CSMD1: variants seen among roughly 807,000 people sequenced by gnomAD.
CSMD1 encodes the protein CUB and Sushi multiple domains 1.
A neutral mutation model predicts 417.5 loss-of-function variants in CSMD1; 213 were observed. The observed-to-expected ratio is 0.51, with a 90% confidence interval of 0.46 to 0.57. The LOEUF is 0.57. CSMD1 is among the 20% of genes least tolerant of loss of function. The pLI, the probability that CSMD1 is intolerant of heterozygous loss-of-function variation, is 0.00. For synonymous variants in CSMD1, 2,862 were observed against 1,736.8 expected (o/e 1.65, Z -16.11); for missense variants, 6,923 against 4,529.7 (o/e 1.53, Z -15.17).
chr8:4,563,859 G>T (rs1019679623), intron 2 of CSMD1, among the ~76,000 whole-genome samples: 1 of 152,134 alleles, frequency 6.6e-6, no homozygotes, highest in African/African-American at 2.4e-5. Context: ...CTGCTGAGAA[G>T]ACTTGGAGTT....
At chr8:3,951,838 A>G (rs552606265) in intron 5 of CSMD1, among the ~76,000 whole-genome samples, 1 of 152,104 alleles carries the variant, frequency 6.6e-6, no homozygotes, top group Non-Finnish European at 1.5e-5. Flanking sequence ...AGTTAACCCA[A>G]AAAGAAAAAT....
chr8:3,911,727 T>C (rs953342798), intron 5 of CSMD1, among the ~76,000 whole-genome samples: 1 of 152,078 alleles, frequency 6.6e-6, no homozygotes, highest in Non-Finnish European at 1.5e-5. Flanking sequence ...CAGAACTTCC[T>C]CCTTTATTCT....
In CSMD1 at chr8:3,912,435, G is replaced by A. The variant is rs80306427; in HGVS notation, c.818+85468C>T. Among the ~76,000 whole-genome samples the A allele has an allele frequency of 3.0e-3, 450 of 152,316 alleles. 2 individuals are homozygous for A. Among genetic ancestry groups the A allele is most frequent in the African/African-American group, 0.01 (426 of 41,568 alleles). ...TAGGGTGGGACGATTTCTACTTAGA[G>A]TAGACCAGGGAAGACATTCCTAAAC... On this transcript the variant is annotated intron_variant, in intron 5 of 69. Transcript: ENST00000635120.
chr8:4,638,527 G>A (rs565275085), intron 1 of CSMD1, among the ~76,000 whole-genome samples: 2 of 152,324 alleles, frequency 1.3e-5, no homozygotes, highest in African/African-American at 2.4e-5. Context: ...CCTCACTATT[G>A]ATGTCTACCC....
intron 1 of CSMD1, among the ~76,000 whole-genome samples, chr8:4,924,738 A>AG (rs1431227747): frequency 6.6e-6 from 1 of 151,482 alleles, no homozygotes; most frequent in East Asian, 1.9e-4. Context: ...AAAAAAAAAA[A>AG]AAAAAAACCT....
chr8:4,056,954 G>C (rs573125905), intron 3 of CSMD1, among the ~76,000 whole-genome samples: 47 of 152,272 alleles, frequency 3.1e-4, no homozygotes, highest in African/African-American at 1.1e-3. Context: ...ATTTGGGTTG[G>C]TTCCAAGTCT....
intron 3 of CSMD1, among the ~76,000 whole-genome samples, chr8:4,139,214 G>C (rs1803625862): frequency 6.6e-6 from 1 of 152,144 alleles, no homozygotes; most frequent in African/African-American, 2.4e-5. Flanking sequence ...GAAAATAAGA[G>C]TGTCCTAGTG....
At chr8:3,869,686 G>A (rs777770325) in intron 5 of CSMD1, among the ~76,000 whole-genome samples, 1 of 152,098 alleles carries the variant, frequency 6.6e-6, no homozygotes, top group East Asian at 1.9e-4. Flanking sequence ...GTGCACAGGT[G>A]CGCGCAGCCA....
intron 5 of CSMD1, among the ~76,000 whole-genome samples, chr8:3,853,973 C>G (rs1479956095): frequency 1.7e-4 from 23 of 134,738 alleles, no homozygotes; most frequent in Non-Finnish European, 3.4e-4. Context: ...TATATCATGT[C>G]AATATATTTA....
In CSMD1 at chr8:3,852,784, C is replaced by T. The variant is rs115148512; in HGVS notation, c.819-98742G>A. On this transcript the variant is annotated intron_variant, in intron 5 of 69. Coordinates refer to ENST00000635120, the MANE Select transcript of CSMD1 (RefSeq NM_033225.6). ...AGGTTTGTAGGATCCATTCCAGCCT[C>T]TTCTGTCTCCTCCAAGCGCACGCTT... Among the ~76,000 whole-genome samples the T allele has an allele frequency of 3.9e-3, 593 of 152,196 alleles. 4 individuals are homozygous for T. The highest frequency in any genetic ancestry group is 0.013 in the African/African-American group (532 of 41,510).
intron 2 of CSMD1, among the ~76,000 whole-genome samples, chr8:4,445,880 A>C (rs1004224947): frequency 6.6e-5 from 10 of 152,194 alleles, no homozygotes; most frequent in African/African-American, 2.2e-4. Context: ...GGAGAAGGGC[A>C]CAAGAGGAGA....
intron 23 of CSMD1, among the ~76,000 whole-genome samples, chr8:3,315,483 A>T (rs931859394): frequency 3.5e-5 from 5 of 142,358 alleles, no homozygotes; most frequent in Admixed American, 7.0e-5. Flanking sequence ...TATCTTTTAA[A>T]TTATTTATGG....
intron 1 of CSMD1, among the ~76,000 whole-genome samples, chr8:4,803,976 G>C (rs1036986041): frequency 3.9e-4 from 60 of 152,202 alleles, no homozygotes; most frequent in Admixed American, 1.0e-3. Flanking sequence ...TGTATCGTAA[G>C]TCAAAGACGG....
At chr8:3,182,614 G>GGC (rs1821418419) in intron 36 of CSMD1, among the ~76,000 whole-genome samples, 1 of 60,756 alleles carries the variant, frequency 1.6e-5, no homozygotes, top group Non-Finnish European at 5.5e-5. Flanking sequence ...GTGTGTGTGT[G>GGC]TGTGTGTGTG....
At chr8:4,300,426 G>C (rs982983007) in intron 3 of CSMD1, among the ~76,000 whole-genome samples, 1 of 152,164 alleles carries the variant, frequency 6.6e-6, no homozygotes, top group Non-Finnish European at 1.5e-5. Context: ...ATGATGCCAG[G>C]CATTCAGTCC....
intron 49 of CSMD1, among the ~76,000 whole-genome samples, chr8:3,077,887 G>A (rs1260811229): frequency 6.6e-6 from 1 of 152,174 alleles, no homozygotes; most frequent in Non-Finnish European, 1.5e-5. Flanking sequence ...ACTCCTCTTT[G>A]CCTTTTACTG....
chr8:3,202,745 T>G (rs1797055963), intron 31 of CSMD1, among the ~76,000 whole-genome samples: 4 of 152,214 alleles, frequency 2.6e-5, no homozygotes, highest in Admixed American at 2.0e-4. Context: ...GTAATCTAAC[T>G]GTAACAGTGT....
intron 25 of CSMD1, among the ~76,000 whole-genome samples, chr8:3,286,096 G>A (rs1045869675): frequency 6.6e-6 from 1 of 152,054 alleles, no homozygotes; most frequent in Non-Finnish European, 1.5e-5. Flanking sequence ...TTGTCCTTGA[G>A]ATAGTTTGCT....
chr8:3,382,126 G>C (rs777182471), intron 18 of CSMD1, among the ~76,000 whole-genome samples: 14 of 151,992 alleles, frequency 9.2e-5, no homozygotes, highest in Non-Finnish European at 2.1e-4. Context: ...GGGCATGGTG[G>C]TGGGAGCCTG....
Sources: allele counts gnomAD v4.1 joint callset (sites outside exome capture counted in the v4.1 genomes callset), GRCh38; gene constraint gnomAD v4.1.1; transcripts MANE v1.5; gene names NCBI Gene and HGNC (gene_info 2026-07-23, HGNC 2026-07-21).